EPS8: variants seen among roughly 807,000 people sequenced by gnomAD.
EPS8 encodes EGFR pathway substrate 8, signaling adaptor.
Under a neutral mutation model 103.8 loss-of-function variants are expected in EPS8, and 42 were observed. That is an observed-to-expected ratio of 0.40 (90% CI 0.32 to 0.52). The LOEUF (loss-of-function observed/expected upper bound fraction) is 0.52. Ranked by LOEUF, EPS8 falls within the 20% of genes least tolerant of loss-of-function variation. The pLI is 0.40. For missense variants in EPS8, 969 were observed against 1,005.1 expected (o/e 0.96, Z 0.49); for synonymous variants, 344 against 344.6 (o/e 1.00, Z 0.02).
intron 18 of EPS8, among the ~76,000 whole-genome samples, chr12:15,627,480 C>CT (rs1226269653): frequency 6.6e-6 from 1 of 152,002 alleles, no homozygotes; most frequent in African/African-American, 2.4e-5. Context: ...TTCACCGAGA[C>CT]TTTGAGAATC....
chr12:15,656,066 C>G (rs1362524323), intron 12 of EPS8, among the ~76,000 whole-genome samples: 2 of 152,078 alleles, frequency 1.3e-5, no homozygotes, highest in East Asian at 3.9e-4. Flanking sequence ...TCACAAAGAC[C>G]AATTTGTATA....
In EPS8 at chr12:15,728,522, C is replaced by G. The variant is rs573360143; in HGVS notation, c.-21-45550G>C. Among the ~76,000 whole-genome samples the G allele has an allele frequency of 2.5e-4, 38 of 152,258 alleles. No homozygotes were observed. The highest frequency in any genetic ancestry group is 9.1e-4 in the African/African-American group (38 of 41,542). On this transcript the variant is annotated intron_variant, in intron 1 of 20. Transcript: ENST00000281172. The surrounding 1 kb of genome is among the most constrained non-coding windows in gnomAD (Gnocchi z 4.5). ...AGCAACAATAATAAGGAACACTCTCCCGGGTGCTGAGTCATTAATAGAATT... is the reference window on the plus strand; with the variant it reads ...AGCAACAATAATAAGGAACACTCTCGCGGGTGCTGAGTCATTAATAGAATT...
intron 14 of EPS8, among the ~76,000 whole-genome samples, 158 bp downstream of exon 14, chr12:15,650,665 G>C (rs1377781199): frequency 1.3e-5 from 2 of 152,140 alleles, no homozygotes; most frequent in South Asian, 4.1e-4. Context: ...AAAAATGACA[G>C]AGGCAAGAGA....
At chr12:15,756,886 A>C (rs188417203) in intron 1 of EPS8, among the ~76,000 whole-genome samples, 2 of 152,342 alleles carry the variant, frequency 1.3e-5, no homozygotes, top group African/African-American at 2.4e-5. Context: ...TCTGTGTGAT[A>C]AGAAAATAAT....
chr12:15,662,743 T>C (rs1945627811), intron 8 of EPS8: 1 of 748,860 alleles, frequency 1.3e-6, no homozygotes, highest in South Asian at 6.0e-5. Context: ...GTTATTATCA[T>C]GAACTCCTTC....
rs1288606750 is a variant in EPS8 at position 15,714,901 on chromosome 12, C to T, written c.-21-31929G>A. Among the ~76,000 whole-genome samples, 3 of 152,084 alleles carry T rather than the reference C, an allele frequency of 2.0e-5. No individual in the cohort carries two copies. The highest frequency in any genetic ancestry group is 4.4e-5 in the Non-Finnish European group (3 of 68,010). On this transcript the variant is annotated intron_variant, in intron 1 of 20. Coordinates refer to ENST00000281172, the MANE Select transcript of EPS8 (RefSeq NM_004447.6). The surrounding 1 kb of genome is among the most constrained non-coding windows in gnomAD (Gnocchi z 4.1). Reference sequence around the variant, plus strand: ...TTCTACATCCACTTTTGTTCTCTACCATCTCTCAAGCTCCTGACCACTGTA... The same window carrying T: ...TTCTACATCCACTTTTGTTCTCTACTATCTCTCAAGCTCCTGACCACTGTA...
chr12:15,674,962 T>C (rs560839552), intron 3 of EPS8, among the ~76,000 whole-genome samples: 1 of 152,202 alleles, frequency 6.6e-6, no homozygotes, highest in South Asian at 2.1e-4. Flanking sequence ...GTGTAAAAAA[T>C]TGCTTGGGCT....
At chr12:15,656,281 T>G (rs1821815145) in intron 12 of EPS8, among the ~76,000 whole-genome samples, 1 of 152,214 alleles carries the variant, frequency 6.6e-6, no homozygotes, top group Non-Finnish European at 1.5e-5. Context: ...AGTATCAGTT[T>G]CTTTGCATAT....
In EPS8 at chr12:15,623,275, A is replaced by T; in HGVS notation, c.2238T>A (p.Ser746Arg). The T allele has an allele frequency of 1.3e-6, 2 of 1,594,452 alleles. No homozygotes were observed. The highest frequency in any genetic ancestry group is 1.4e-5 in the African/African-American group (1 of 72,846). The change falls in exon 20 of 21, where the codon AGT becomes AGA. Residue 746 changes from serine to arginine, a missense_variant. Physicochemically the swap from Ser to Arg is moderately radical, Grantham distance 110. Transcript: ENST00000281172. ...SKGFNPVTVN[S>R]LGVLNGAQLF... is the part of the protein sequence containing the mutation. ...GTTGTGCACCATTTAATACTCCAAG[A>T]CTATTGACAGTCCTAAAAAAAAAAA...
intron 17 of EPS8, among the ~76,000 whole-genome samples, chr12:15,632,410 T>C (rs1007217163): frequency 1.3e-5 from 2 of 152,226 alleles, no homozygotes; most frequent in Non-Finnish European, 2.9e-5. Flanking sequence ...CATTTGTGCA[T>C]ATTCCCTATT....
At chr12:15,664,119 C>G (rs1222866464) in intron 8 of EPS8, among the ~76,000 whole-genome samples, 1 of 150,218 alleles carries the variant, frequency 6.7e-6, no homozygotes, top group Non-Finnish European at 1.5e-5. Flanking sequence ...CCCTCTTCAT[C>G]GAAACAGTAA....
intron 17 of EPS8, among the ~76,000 whole-genome samples, chr12:15,635,910 A>T (rs1945126114): frequency 1.3e-5 from 2 of 152,336 alleles, no homozygotes; most frequent in Admixed American, 1.3e-4. Context: ...CTGGACATTC[A>T]TAATTACTTG....
intron 17 of EPS8, among the ~76,000 whole-genome samples, chr12:15,640,449 G>C (rs534172239): frequency 5.9e-5 from 9 of 152,038 alleles, no homozygotes; most frequent in African/African-American, 1.9e-4. Context: ...ACAGATTGGG[G>C]AAAAAAAGCA....
intron 15 of EPS8, among the ~76,000 whole-genome samples, chr12:15,646,510 TA>T (rs979937331): frequency 2.0e-5 from 3 of 151,082 alleles, no homozygotes; most frequent in African/African-American, 7.3e-5. Context: ...GATTGGAAAT[TA>T]AAAAAAAAGA....
At position 15,771,079 on chromosome 12, in the gene EPS8, G is replaced by GA. The variant is rs111746531; in HGVS notation, c.-22+18081dup. ...AAAATAAGTGCCTAGGCGATCCTGAGAAAAAAAATATTAAGTGGGAGAGGT... is the reference window on the plus strand; with the variant it reads ...AAAATAAGTGCCTAGGCGATCCTGAGAAAAAAAAATATTAAGTGGGAGAGGT... On this transcript the variant is annotated intron_variant, in intron 1 of 20. Transcript: ENST00000281172. This position sits in a 1 kb window ranked among gnomAD's most constrained non-coding sequence, Gnocchi z 4.6. Among the ~76,000 whole-genome samples, 295 of 151,776 alleles carry GA rather than the reference G, an allele frequency of 1.9e-3. 1 individual carries two copies. Among genetic ancestry groups the GA allele is most frequent in the East Asian group, 7.8e-3 (40 of 5,156 alleles).
chr12:15,620,804 A>T lies in EPS8; in HGVS notation c.*513T>A, dbSNP rs1253254264. Reference sequence around the variant, plus strand: ...CATTCAAATGTTTTAATTTTTTTTTAAACTGTTGGCATTAAGAACTTTAAA... The same window carrying T: ...CATTCAAATGTTTTAATTTTTTTTTTAACTGTTGGCATTAAGAACTTTAAA... On this transcript the variant is annotated 3_prime_UTR_variant, in exon 21 of 21. Transcript: ENST00000281172. The T allele has an allele frequency of 6.6e-6, 1 of 152,240 alleles. No individual in the cohort carries two copies. Among genetic ancestry groups the T allele is most frequent in the Non-Finnish European group, 1.5e-5 (1 of 68,098 alleles). The allele number at this position is 152,240 out of a possible 1,614,324, so 9.4% of individuals were successfully genotyped here.
At chr12:15,637,136 T>G (rs1945149640) in intron 17 of EPS8, among the ~76,000 whole-genome samples, 1 of 152,246 alleles carries the variant, frequency 6.6e-6, no homozygotes, top group Admixed American at 6.5e-5. Context: ...TTCTCCTGCC[T>G]CAGTCTCCTG....
rs1301844694 is a variant in EPS8, at chr12:15,688,170, T to A, written c.-21-5198A>T. 6.6e-6 allele frequency among the ~76,000 whole-genome samples: 1 copy of A among 152,214 alleles called. No homozygotes were observed. Among genetic ancestry groups the A allele is most frequent in the Non-Finnish European group, 1.5e-5 (1 of 68,038 alleles). The stretch of plus-strand genomic sequence containing the variant: ...GGAGAAAGGGAAAGAAAACATTTAA[T>A]GAGCCCCCAGTTCATAAGACATTTT... On this transcript the variant is annotated intron_variant, in intron 1 of 20. Coordinates refer to ENST00000281172, the MANE Select transcript of EPS8 (RefSeq NM_004447.6). The surrounding 1 kb of genome is among the most constrained non-coding windows in gnomAD (Gnocchi z 5.1).
intron 1 of EPS8, among the ~76,000 whole-genome samples, chr12:15,715,068 C>T (rs1021638274): frequency 6.6e-6 from 1 of 152,190 alleles, no homozygotes; most frequent in African/African-American, 2.4e-5. Context: ...ACTGATTCCC[C>T]AACTGCTGTG....
Sources: allele counts gnomAD v4.1 joint callset (sites outside exome capture counted in the v4.1 genomes callset), GRCh38; gene constraint gnomAD v4.1.1; non-coding constraint Gnocchi (gnomAD v3.1); transcripts MANE v1.5; gene names NCBI Gene and HGNC (gene_info 2026-07-23, HGNC 2026-07-21).